MAP4K3: variants seen among roughly 807,000 people sequenced by gnomAD.
MAP4K3 encodes the protein mitogen-activated protein kinase kinase kinase kinase 3.
In MAP4K3, 94 loss-of-function variants were observed where a neutral mutation model predicts 143.5. That is an observed-to-expected ratio of 0.65 (90% confidence interval 0.55 to 0.78). MAP4K3 has a LOEUF of 0.78. MAP4K3 is among the 30% of genes least tolerant of loss of function. The pLI, the probability that MAP4K3 is intolerant of heterozygous loss-of-function variation, is 0.00. For missense variants in MAP4K3, 1,077 were observed against 1,068.1 expected (o/e 1.01, Z -0.12); for synonymous variants, 416 against 347.2 (o/e 1.20, Z -2.20).
chr2:39,260,871 T>G (rs548691561), intron 28 of MAP4K3, 94 bp from the exon 29 acceptor site: 2 of 789,258 alleles, frequency 2.5e-6, no homozygotes, highest in East Asian at 5.5e-5. Flanking sequence ...CAATAAAGAC[T>G]GCATCTTGTC....
chr2:39,359,517 C>A (rs903426647), intron 2 of MAP4K3, among the ~76,000 whole-genome samples: 1 of 152,244 alleles, frequency 6.6e-6, no homozygotes, highest in Admixed American at 6.5e-5. Flanking sequence ...CAGTGACCAC[C>A]TTCTCACAGT....
At chr2:39,333,251 T>A (rs922932027) in intron 7 of MAP4K3, among the ~76,000 whole-genome samples, 2 of 152,258 alleles carry the variant, frequency 1.3e-5, no homozygotes, top group East Asian at 3.9e-4. Flanking sequence ...GATTTCTTAC[T>A]ATTACAGAAG....
In MAP4K3 at chr2:39,391,130, C is replaced by T. The variant is rs188603719; in HGVS notation, c.97-13007G>A. Among the ~76,000 whole-genome samples, 215 of 151,660 alleles carry T rather than the reference C, an allele frequency of 1.4e-3. 1 individual carries two copies. The highest frequency in any genetic ancestry group is 6.1e-3 in the South Asian group (29 of 4,790). ...CAGCACTTTGGGAGGCCAAGGCAGGCGGATCACGAGGTCAGGAGATCAAGA... is the reference window on the plus strand; with the variant it reads ...CAGCACTTTGGGAGGCCAAGGCAGGTGGATCACGAGGTCAGGAGATCAAGA... On this transcript the variant is annotated intron_variant, in intron 1 of 33. Coordinates refer to ENST00000263881, the MANE Select transcript of MAP4K3 (RefSeq NM_003618.4).
intron 1 of MAP4K3, among the ~76,000 whole-genome samples, chr2:39,422,483 C>T (rs1391756002): frequency 1.3e-5 from 2 of 152,094 alleles, no homozygotes; most frequent in African/African-American, 4.8e-5. Context: ...TCTATTGAGA[C>T]CTTGATCTCA....
intron 28 of MAP4K3, among the ~76,000 whole-genome samples, chr2:39,263,889 T>C (rs1328063058): frequency 6.6e-6 from 1 of 152,172 alleles, no homozygotes; most frequent in African/African-American, 2.4e-5. Context: ...CATGGACAAT[T>C]CCTCTAACAG....
Position 39,260,759 on chromosome 2 carries a change from G to T in MAP4K3, c.2155C>A (p.Pro719Thr), listed in dbSNP as rs775906424. 2 of 1,611,240 alleles carry T rather than the reference G, an allele frequency of 1.2e-6. No homozygotes were observed. Among genetic ancestry groups the T allele is most frequent in the Non-Finnish European group, 1.7e-6 (2 of 1,178,256 alleles). Residue 719 changes from proline (P) to threonine (T), a missense_variant, in exon 29 of 34, where the codon CCA becomes ACA. Physicochemically the swap from Pro to Thr is conservative, Grantham distance 38. Transcript: ENST00000263881. ...MLIKHIDFPI[P>T]CPLRMFEMLV... ...ATTTCAAACATTCTAAGTGGACATG[G>T]TATAGGAAAATCTATGTGCTAGAGA...
intron 1 of MAP4K3, among the ~76,000 whole-genome samples, chr2:39,391,137 C>T (rs986312702): frequency 3.3e-5 from 5 of 151,856 alleles, no homozygotes; most frequent in African/African-American, 1.2e-4. Flanking sequence ...AGGCGGATCA[C>T]GAGGTCAGGA....
chr2:39,419,460 T>A (rs1245637142), intron 1 of MAP4K3, among the ~76,000 whole-genome samples: 2 of 152,176 alleles, frequency 1.3e-5, no homozygotes, highest in African/African-American at 4.8e-5. Flanking sequence ...AAATATTGCA[T>A]CATAGCGCGA....
At position 39,331,993 on chromosome 2, in the gene MAP4K3, T is replaced by A; in HGVS notation, c.458-4A>T. On this transcript the variant is annotated splice_polypyrimidine_tract_variant and splice_region_variant and intron_variant, in intron 7 of 33. Transcript: ENST00000263881. ...TGTGCAGATACTCCAAAATCAGCTA[T>A]TAAAAAAAATGAGAAACATTTAGGA... The A allele has an allele frequency of 6.7e-7, 1 of 1,500,996 alleles. No individual in the cohort carries two copies. The highest frequency in any genetic ancestry group is 1.9e-5 in the Admixed American group (1 of 54,044). 93.0% of individuals were successfully genotyped at this position (1,500,996 alleles called of 1,614,324 possible).
intron 24 of MAP4K3, among the ~76,000 whole-genome samples, chr2:39,277,172 C>T (rs1681296668): frequency 6.6e-6 from 1 of 152,224 alleles, no homozygotes; most frequent in African/African-American, 2.4e-5. Flanking sequence ...CAGCATAGTA[C>T]ACCAAGCTCT....
chr2:39,258,634 T>TA (rs1484622914), intron 29 of MAP4K3, 47 bp from the exon 30 acceptor site: 1 of 1,253,860 alleles, frequency 8.0e-7, no homozygotes. Flanking sequence ...CTGTGATACT[T>TA]AAAGCATGGA....
chr2:39,352,120 A>T lies in MAP4K3; in HGVS notation c.245+4129T>A, dbSNP rs1385529781. On this transcript the variant is annotated intron_variant, in intron 3 of 33. Transcript: ENST00000263881. ...AGCCTGGCCAATATGGTGAGACCCC[A>T]TCTCTACTAAAAATACAAAAATTAG... Among the ~76,000 whole-genome samples the T allele has an allele frequency of 2.0e-5, 3 of 152,054 alleles. No individual in the cohort carries two copies. In the East Asian group the frequency reaches 5.8e-4, roughly 29 times the overall value.
intron 15 of MAP4K3, among the ~76,000 whole-genome samples, chr2:39,307,194 G>A (rs1468014157): frequency 2.6e-5 from 4 of 152,138 alleles, no homozygotes; most frequent in African/African-American, 9.7e-5. Context: ...TAGAATCTGG[G>A]AGTAAATATG....
At chr2:39,418,090 GTAC>G (rs1247482264) in intron 1 of MAP4K3, among the ~76,000 whole-genome samples, 4 of 151,696 alleles carry the variant, frequency 2.6e-5, no homozygotes, top group African/African-American at 9.7e-5. Context: ...GTAGTCCCAC[GTAC>G]TCAGGAGGCT....
intron 1 of MAP4K3, among the ~76,000 whole-genome samples, chr2:39,419,060 T>A (rs1667474867): frequency 6.6e-6 from 1 of 152,160 alleles, no homozygotes; most frequent in South Asian, 2.1e-4. Flanking sequence ...TTTTTGTAAA[T>A]CCAAAAATAT....
Position 39,272,277 on chromosome 2 carries a change from C to A in MAP4K3, c.1973+6G>T, listed in dbSNP as rs1250752693. On this transcript the variant is annotated splice_donor_region_variant and intron_variant, in intron 26 of 33. Transcript: ENST00000263881. ...TATCATATTGCCTCTAAGGATGTAC[C>A]CTTACCTTGGCAGTATTCTGTCAGG... 6.3e-7 allele frequency: 1 copy of A among 1,591,734 alleles called. No individual in the cohort carries two copies. Among genetic ancestry groups the A allele is most frequent in the Non-Finnish European group, 8.6e-7 (1 of 1,160,006 alleles).
intron 15 of MAP4K3, among the ~76,000 whole-genome samples, chr2:39,306,565 T>C (rs1364653562): frequency 6.6e-6 from 1 of 152,230 alleles, no homozygotes; most frequent in Non-Finnish European, 1.5e-5. Flanking sequence ...GATTTAACAA[T>C]GGGGAACACA....
chr2:39,370,862 T>C (rs1666062741), intron 2 of MAP4K3, among the ~76,000 whole-genome samples: 1 of 152,222 alleles, frequency 6.6e-6, no homozygotes, highest in African/African-American at 2.4e-5. Flanking sequence ...AAGTAACTTT[T>C]AAATTCTGAC....
intron 8 of MAP4K3, among the ~76,000 whole-genome samples, chr2:39,329,368 A>T (rs1222053392): frequency 1.3e-5 from 2 of 152,232 alleles, no homozygotes; most frequent in African/African-American, 4.8e-5. Flanking sequence ...AGTCCAGCAG[A>T]CATATTTTAA....
Sources: allele counts gnomAD v4.1 joint callset (sites outside exome capture counted in the v4.1 genomes callset), GRCh38; gene constraint gnomAD v4.1.1; transcripts MANE v1.5; gene names NCBI Gene and HGNC (gene_info 2026-07-23, HGNC 2026-07-21).